NPLOC4: variants seen among roughly 807,000 people sequenced by gnomAD.
NPLOC4 encodes the protein nuclear protein localization protein 4 homolog.
A neutral mutation model predicts 80.6 loss-of-function variants in NPLOC4; 18 were observed. The observed-to-expected ratio is 0.22, with a 90% CI of 0.15 to 0.33. NPLOC4 has a LOEUF of 0.33. Ranked by LOEUF, NPLOC4 falls within the 10% of genes least tolerant of loss-of-function variation. NPLOC4 has a pLI of 1.00. For synonymous variants in NPLOC4, 313 were observed against 301.5 expected (o/e 1.04, Z -0.39); for missense variants, 540 against 786.1 (o/e 0.69, Z 3.74).
intron 6 of NPLOC4, 50 bp from the exon 7 acceptor site, chr17:81,606,864 A>G: frequency 7.0e-6 from 11 of 1,562,388 alleles, no homozygotes; most frequent in Non-Finnish European, 9.6e-6. Flanking sequence ...AAAGTTGAGC[A>G]AGAGGCTGGA....
intron 10 of NPLOC4, 128 bp downstream of exon 10, chr17:81,597,117 A>C (rs2034928730): frequency 3.0e-6 from 2 of 674,366 alleles, no homozygotes; most frequent in Admixed American, 5.8e-5. Flanking sequence ...CGTCTCAAAA[A>C]ATACAAATAA....
rs1310300201 is a variant in NPLOC4 at position 81,629,755 on chromosome 17, C to T, written c.66G>A (p.Lys22=). ...TCAAAAATGTTGCTGCTGTTTCTCT[C>T]TTTGTTGCTGTGATCCGCTTCACTC... ...PDGVKRITAT[K]RETAATFLKK... The change falls in exon 2 of 17, where the codon AAG becomes AAA. Residue 22 remains lysine, a synonymous_variant. Coordinates refer to ENST00000331134, the MANE Select transcript of NPLOC4 (RefSeq NM_017921.4). The T allele has an allele frequency of 1.2e-6, 2 of 1,613,808 alleles. No homozygotes were observed. Among genetic ancestry groups the T allele is most frequent in the African/African-American group, 2.7e-5 (2 of 74,924 alleles).
chr17:81,575,248 C>G (rs537868399), intron 12 of NPLOC4, among the ~76,000 whole-genome samples: 1 of 152,100 alleles, frequency 6.6e-6, no homozygotes, highest in Admixed American at 6.6e-5. Context: ...TACAGGTGCC[C>G]GCCACCACGC....
In NPLOC4 at chr17:81,567,389, C is replaced by G; in HGVS notation, c.1566+28G>C. On this transcript the variant is annotated intron_variant, in intron 15 of 16. Coordinates refer to ENST00000331134, the MANE Select transcript of NPLOC4 (RefSeq NM_017921.4). This position sits in a 1 kb window ranked among gnomAD's most constrained non-coding sequence, Gnocchi z 4.5. ...TCTTTGCAGCCAAAGCCCACTTGCTCAAGTGGACACCACACTTGGACACGC... is the reference window on the plus strand; with the variant it reads ...TCTTTGCAGCCAAAGCCCACTTGCTGAAGTGGACACCACACTTGGACACGC... The G allele has an allele frequency of 7.0e-7, 1 of 1,422,542 alleles. No individual in the cohort carries two copies. The highest frequency in any genetic ancestry group is 1.4e-5 in the African/African-American group (1 of 71,128). 88.1% of individuals were successfully genotyped at this position (1,422,542 alleles called of 1,614,324 possible).
intron 7 of NPLOC4, 94 bp downstream of exon 7, chr17:81,606,597 A>G (rs919761803): frequency 1.4e-5 from 18 of 1,318,354 alleles, no homozygotes; most frequent in South Asian, 1.4e-5. Flanking sequence ...TCCACCACGC[A>G]TAGTGCTAAT....
chr17:81,590,624 G>A (rs917549539), intron 11 of NPLOC4, among the ~76,000 whole-genome samples: 4 of 152,070 alleles, frequency 2.6e-5, no homozygotes, highest in Non-Finnish European at 4.4e-5. Context: ...GGAATTACAG[G>A]TGTGAGCCAC....
intron 8 of NPLOC4, among the ~76,000 whole-genome samples, chr17:81,603,510 C>T (rs539262900): frequency 2.8e-4 from 43 of 151,920 alleles, no homozygotes; most frequent in Non-Finnish European, 5.6e-4. Context: ...GCAGGAGGAT[C>T]GCTTGAGCCC....
chr17:81,609,217 A>G (rs554723933), intron 5 of NPLOC4, among the ~76,000 whole-genome samples: 1 of 152,278 alleles, frequency 6.6e-6, no homozygotes, highest in African/African-American at 2.4e-5. Flanking sequence ...ACGGGGTTTC[A>G]GCATATTGGC....
chr17:81,571,909 G>A (rs564335502), intron 13 of NPLOC4, 108 bp downstream of exon 13: 230 of 671,310 alleles, frequency 3.4e-4, no homozygotes, highest in Middle Eastern at 2.0e-3. Context: ...CAAGGCAGAG[G>A]GTGCCTTAAA....
intron 16 of NPLOC4, 124 bp downstream of exon 16, chr17:81,565,381 G>T: frequency 1.2e-6 from 1 of 854,756 alleles, no homozygotes; most frequent in Non-Finnish European, 1.9e-6. Context: ...CATTGCCGAT[G>T]GCACCTGCCA....
chr17:81,622,072 T>C (rs752523444), intron 3 of NPLOC4, 94 bp downstream of exon 3: 165 of 827,318 alleles, frequency 2.0e-4, no homozygotes, highest in Non-Finnish European at 3.1e-4. Context: ...ATGAGTGGTG[T>C]GATGAGGAAA....
intron 2 of NPLOC4, among the ~76,000 whole-genome samples, chr17:81,629,338 C>A (rs1027157772): frequency 6.6e-6 from 1 of 151,804 alleles, no homozygotes; most frequent in African/African-American, 2.4e-5. Context: ...ATTACAGGCA[C>A]CTACCACCAC....
Position 81,587,844 on chromosome 17 carries a change from A to AT in NPLOC4, c.1281+1099dup, listed in dbSNP as rs926538360. ...CTACCACGCCCGGCTTATTTTTTGT[A>AT]TTTTTTTTTTTTAGTAGAGACGGGG... On this transcript the variant is annotated intron_variant, in intron 12 of 16. Coordinates refer to ENST00000331134, the MANE Select transcript of NPLOC4 (RefSeq NM_017921.4). Among the ~76,000 whole-genome samples the AT allele has an allele frequency of 3.6e-3, 433 of 119,558 alleles. 7 individuals carry two copies. The highest frequency in any genetic ancestry group is 0.011 in the African/African-American group (343 of 32,206). The allele number at this position is 119,558 out of a possible 152,430, so 78.4% of individuals were successfully genotyped here. A position where few individuals can be genotyped will look rare whatever the true frequency, so the allele number is the denominator to read the frequency against.
chr17:81,584,699 G>A (rs2034529477), intron 12 of NPLOC4, among the ~76,000 whole-genome samples: 2 of 152,130 alleles, frequency 1.3e-5, no homozygotes, highest in South Asian at 2.1e-4. Context: ...GATAGCAGTT[G>A]CTGGATACAA....
At chr17:81,585,278 A>T (rs1365832547) in intron 12 of NPLOC4, among the ~76,000 whole-genome samples, 1 of 151,968 alleles carries the variant, frequency 6.6e-6, no homozygotes, top group East Asian at 1.9e-4. Flanking sequence ...CCTGGAGATG[A>T]CCGACGACAG....
chr17:81,601,666 GTGACCTAAGGGT>G (rs1297316449), intron 8 of NPLOC4, among the ~76,000 whole-genome samples: 6 of 152,192 alleles, frequency 3.9e-5, no homozygotes, highest in African/African-American at 4.8e-5. Context: ...GTACAGCACA[GTGACCTAAGGGT>G]TGAGACTTCA....
rs528471794 is a variant in NPLOC4 at position 81,589,252 on chromosome 17, C to T, written c.1121-148G>A. 2.5e-4 allele frequency: 163 copies of T among 656,702 alleles called. No homozygotes were observed. The African/African-American group carries it at 2.6e-3, about 10-fold the overall frequency. The allele number at this position is 656,702 out of a possible 1,614,324, so 40.7% of individuals were successfully genotyped here. Reference sequence around the variant, plus strand: ...AGTTAAAAAATGTTCAGTAGTCGGCCGGGTGCGGTGGCTCATGCCTGTAAT... The same window carrying T: ...AGTTAAAAAATGTTCAGTAGTCGGCTGGGTGCGGTGGCTCATGCCTGTAAT... On this transcript the variant is annotated intron_variant, in intron 11 of 16. Coordinates refer to ENST00000331134, the MANE Select transcript of NPLOC4 (RefSeq NM_017921.4).
chr17:81,598,621 C>G (rs745664021), intron 9 of NPLOC4, among the ~76,000 whole-genome samples: 1 of 152,230 alleles, frequency 6.6e-6, no homozygotes, highest in Non-Finnish European at 1.5e-5. Flanking sequence ...TGTGACCCAG[C>G]AACCCCTGCA....
At position 81,625,567 on chromosome 17, in the gene NPLOC4, G is replaced by A. The variant is rs541630404; in HGVS notation, c.97-3289C>T. ...ACTGAACGGGCTTATCAGCAGAAGG[G>A]AGAGAGCAGAAGAGTCAACCTAAAC... On this transcript the variant is annotated intron_variant, in intron 2 of 16. Coordinates refer to ENST00000331134, the MANE Select transcript of NPLOC4 (RefSeq NM_017921.4). Among the ~76,000 whole-genome samples, 3 of 152,268 alleles carry A rather than the reference G, an allele frequency of 2.0e-5. No individual in the cohort carries two copies. The South Asian group carries it at 6.2e-4, about 32-fold the overall frequency.
Sources: allele counts gnomAD v4.1 joint callset (sites outside exome capture counted in the v4.1 genomes callset), GRCh38; gene constraint gnomAD v4.1.1; non-coding constraint Gnocchi (gnomAD v3.1); transcripts MANE v1.5; gene names NCBI Gene and HGNC (gene_info 2026-07-23, HGNC 2026-07-21).